AKAP10: variants seen among roughly 807,000 people sequenced by gnomAD.
AKAP10 encodes the protein A-kinase anchor protein 10, mitochondrial.
AKAP10 carries 24 observed loss-of-function variants against 80.8 expected under a neutral mutation model. That is an observed-to-expected ratio of 0.30 (90% CI 0.22 to 0.42). AKAP10 has a LOEUF of 0.42. Ranked by LOEUF, AKAP10 falls within the 10% of genes least tolerant of loss-of-function variation. AKAP10 has a pLI of 1.00. For synonymous variants in AKAP10, 291 were observed against 277.7 expected, an observed-to-expected ratio of 1.05 and a Z score of -0.48; for missense variants, 661 against 794.9, an observed-to-expected ratio of 0.83 and a Z score of 2.03.
intron 11 of AKAP10, among the ~76,000 whole-genome samples, chr17:19,921,081 G>GA (rs2042808665): frequency 6.8e-6 from 1 of 148,074 alleles, no homozygotes; most frequent in African/African-American, 2.5e-5. Context: ...ATTCATAAAA[G>GA]AAAAAACCTG....
Position 19,924,508 on chromosome 17 carries a change from T to C in AKAP10, c.1651A>G (p.Lys551Glu). 5 of 1,600,188 alleles carry C rather than the reference T, an allele frequency of 3.1e-6. No individual in the cohort carries two copies. Among genetic ancestry groups the C allele is most frequent in the South Asian group, 1.1e-5 (1 of 89,264 alleles). Residue 551 changes from lysine to glutamate, a missense_variant, in exon 11 of 15, where the codon AAA becomes GAA. Coordinates refer to ENST00000225737, the MANE Select transcript of AKAP10 (RefSeq NM_007202.4). ...SDSSASQSSV[K>E]KASIKILKNF... ...TTCAGTATTTTAATACTGGCTTTTT[T>C]CACACTGGACTACAATAGAAATTGT...
chr17:19,938,731 T>C (rs1002254757), intron 8 of AKAP10, among the ~76,000 whole-genome samples: 4 of 151,198 alleles, frequency 2.6e-5, no homozygotes, highest in African/African-American at 7.3e-5. Flanking sequence ...ATTACCTTTG[T>C]TGTTTTTTTT....
In AKAP10 at chr17:19,906,092, C is replaced by T. The variant is rs2042629204; in HGVS notation, c.*135G>A. 4 of 944,428 alleles carry T rather than the reference C, an allele frequency of 4.2e-6. No individual in the cohort carries two copies. The highest frequency in any genetic ancestry group is 5.0e-5 in the Admixed American group (2 of 39,726). 58.5% of individuals were successfully genotyped at this position (944,428 alleles called of 1,614,324 possible). On this transcript the variant is annotated 3_prime_UTR_variant, in exon 15 of 15. Transcript: ENST00000225737. ...TATGGTGGAAGTCTAGGATTGTCTC[C>T]CATTCTCTCCTGGAAACAACAGTGA...
At chr17:19,921,785 G>A (rs902525150) in intron 11 of AKAP10, among the ~76,000 whole-genome samples, 14 of 152,042 alleles carry the variant, frequency 9.2e-5, no homozygotes, top group African/African-American at 3.4e-4. Flanking sequence ...AACTGCAAAT[G>A]ACTTAAATAC....
intron 5 of AKAP10, among the ~76,000 whole-genome samples, chr17:19,946,112 T>G (rs1030245146): frequency 1.5e-5 from 2 of 137,184 alleles, no homozygotes; most frequent in East Asian, 4.1e-4. Context: ...CTAGTATATA[T>G]ATATATACAC....
At chr17:19,943,339 G>A (rs576138355) in intron 5 of AKAP10, among the ~76,000 whole-genome samples, 3 of 152,120 alleles carry the variant, frequency 2.0e-5, no homozygotes, top group Admixed American at 1.3e-4. Context: ...TACACGTTTG[G>A]GACTTTCAGC....
intron 12 of AKAP10, among the ~76,000 whole-genome samples, chr17:19,913,299 C>T (rs529687440): frequency 7.8e-4 from 119 of 152,066 alleles, no homozygotes; most frequent in African/African-American, 2.7e-3. Context: ...ACTACAAGCG[C>T]GTGCCACCAT....
At chr17:19,946,330 G>A (rs1169828524) in intron 5 of AKAP10, among the ~76,000 whole-genome samples, 2 of 108,128 alleles carry the variant, frequency 1.8e-5, no homozygotes, top group Non-Finnish European at 3.6e-5. Context: ...GAGAAGGCTG[G>A]TCCCAACCTA....
At chr17:19,910,385 G>T (rs2042677481) in intron 12 of AKAP10, among the ~76,000 whole-genome samples, 1 of 149,278 alleles carries the variant, frequency 6.7e-6, no homozygotes, top group South Asian at 2.1e-4. Flanking sequence ...TTTAAAAGCT[G>T]TTGCTTCCAG....
Position 19,958,544 on chromosome 17 carries a change from T to G in AKAP10, c.347A>C (p.Gln116Pro). 5 of 1,605,822 alleles carry G rather than the reference T, an allele frequency of 3.1e-6. No homozygotes were observed. Among genetic ancestry groups the G allele is most frequent in the Non-Finnish European group, 4.2e-6 (5 of 1,179,524 alleles). ...CTTAGAAAGGCTTGATTTGGTCTCT[T>G]GAGTCTGGTAGTCCAGACAAGATCT... ...LGRSCLDYQTQETKSSLSKTL... is the reference protein window; with the variant it reads ...LGRSCLDYQTPETKSSLSKTL... Residue 116 changes from glutamine (Q) to proline (P), a missense_variant, in exon 4 of 15, where the codon CAA becomes CCA. By Grantham distance (76) the Gln-to-Pro change is moderately conservative. Transcript: ENST00000225737.
At chr17:19,924,337 T>C in intron 11 of AKAP10, 71 bp downstream of exon 11, 1 of 1,112,464 alleles carries the variant, frequency 9.0e-7, no homozygotes, top group Non-Finnish European at 1.2e-6. Context: ...AAATGTAAAA[T>C]TTAATTAAAA....
chr17:19,952,884 C>T (rs1337716175), intron 4 of AKAP10, among the ~76,000 whole-genome samples: 13 of 152,108 alleles, frequency 8.5e-5, no homozygotes, highest in Admixed American at 8.5e-4. Flanking sequence ...TACAAAGTAT[C>T]AGCAAGAATA....
intron 7 of AKAP10, among the ~76,000 whole-genome samples, chr17:19,940,485 C>T (rs1432926250): frequency 6.6e-6 from 1 of 152,168 alleles, no homozygotes; most frequent in Non-Finnish European, 1.5e-5. Context: ...TGCTTCTTCA[C>T]TGGGCAATCC....
At chr17:19,932,740 GAACATTATCAA>G (rs2042949701) in intron 9 of AKAP10, among the ~76,000 whole-genome samples, 1 of 151,616 alleles carries the variant, frequency 6.6e-6, no homozygotes, top group Non-Finnish European at 1.5e-5. Flanking sequence ...CTCTTCAAAA[GAACATTATCAA>G]TTTCAATCAC....
At chr17:19,946,244 T>TATATATATATATA (rs2043116537) in intron 5 of AKAP10, among the ~76,000 whole-genome samples, 1 of 14,264 alleles carries the variant, frequency 7.0e-5, no homozygotes, top group African/African-American at 4.4e-4. Context: ...ATATTATATA[T>TATATATATATATA]ATATATATAT....
At chr17:19,923,567 C>A (rs947546204) in intron 11 of AKAP10, among the ~76,000 whole-genome samples, 4 of 152,132 alleles carry the variant, frequency 2.6e-5, no homozygotes, top group African/African-American at 9.7e-5. Context: ...CGCTCCACTG[C>A]GCAGGCTGGA....
At position 19,958,562 on chromosome 17, in the gene AKAP10, C is replaced by A. The variant is rs1353955515; in HGVS notation, c.329G>T (p.Cys110Phe). 6.3e-7 allele frequency: 1 copy of A among 1,596,046 alleles called. No homozygotes were observed. The highest frequency in any genetic ancestry group is 8.5e-7 in the Non-Finnish European group (1 of 1,175,984). Residue 110 changes from cysteine (C) to phenylalanine (F), a missense_variant, in exon 4 of 15, where the codon TGT becomes TTT. Cys to Phe is a radical substitution (Grantham distance 205). Transcript: ENST00000225737. Reference protein sequence around the residue: ...AAHFGDLGRSCLDYQTQETKS... With the variant: ...AAHFGDLGRSFLDYQTQETKS... ...GGTCTCTTGAGTCTGGTAGTCCAGA[C>A]AAGATCTGCCTAAAAGATAGAAGCA...
intron 10 of AKAP10, among the ~76,000 whole-genome samples, chr17:19,924,724 C>T (rs146658228): frequency 2.0e-5 from 3 of 152,142 alleles, no homozygotes; most frequent in African/African-American, 4.8e-5. Flanking sequence ...TTAAAATGTA[C>T]ATGCCGGGCA....
At chr17:19,910,909 T>A (rs571303688) in intron 12 of AKAP10, among the ~76,000 whole-genome samples, 5 of 152,330 alleles carry the variant, frequency 3.3e-5, no homozygotes, top group South Asian at 4.1e-4. Flanking sequence ...TCATCCGAAG[T>A]AGGCCAGCCT....
Sources: allele counts gnomAD v4.1 joint callset (sites outside exome capture counted in the v4.1 genomes callset), GRCh38; gene constraint gnomAD v4.1.1; transcripts MANE v1.5; gene names NCBI Gene and HGNC (gene_info 2026-07-23, HGNC 2026-07-21).